SHROOM4: variants seen among roughly 807,000 people sequenced by gnomAD.
SHROOM4 encodes the protein protein Shroom4.
SHROOM4 carries 17 observed loss-of-function variants against 80.3 expected under a neutral mutation model. The ratio of observed to expected loss-of-function variants is 0.21; its 90% CI spans 0.14 to 0.32. The LOEUF (loss-of-function observed/expected upper bound fraction) is 0.32. Ranked by LOEUF, SHROOM4 falls within the 10% of genes least tolerant of loss-of-function variation. The pLI is 1.00. For missense variants in SHROOM4, 993 were observed against 1,140.3 expected (o/e 0.87, Z 1.86); for synonymous variants, 400 against 437.5 (o/e 0.91, Z 1.07).
At chrX:50,803,653 A>G (rs1936172145) in intron 1 of SHROOM4, among the ~76,000 whole-genome samples, 1 of 112,215 alleles carries the variant, frequency 8.9e-6, no homozygotes, top group Non-Finnish European at 1.9e-5. Flanking sequence ...TGTTGCTCTT[A>G]GATCCTACCC....
intron 1 of SHROOM4, among the ~76,000 whole-genome samples, chrX:50,724,604 A>G (rs1557265751): frequency 8.9e-6 from 1 of 112,434 alleles, no homozygotes; most frequent in Non-Finnish European, 1.9e-5. Context: ...AGCTGGGATG[A>G]CAGGCATGCG....
intron 1 of SHROOM4, among the ~76,000 whole-genome samples, chrX:50,786,393 T>C (rs113612704): frequency 2.7e-5 from 3 of 111,727 alleles, no homozygotes; most frequent in African/African-American, 9.8e-5. Flanking sequence ...AATCCCTAGC[T>C]CCTATCTTCT....
rs1293941010 is a variant in SHROOM4, at chrX:50,652,406, C to A, written c.270-14098G>T. Among the ~76,000 whole-genome samples the A allele has an allele frequency of 2.7e-5, 3 of 111,713 alleles. No individual in the cohort carries two copies. In the Admixed American group the frequency reaches 2.8e-4, roughly 11 times the overall value. ...GAGAAGTGTCTGTTCATATCCTTCA[C>A]CTATTTTTTGATGGGTTTTTTTTCT... On this transcript the variant is annotated intron_variant, in intron 2 of 8. Transcript: ENST00000376020.
At chrX:50,693,275 T>C (rs1824301355) in intron 2 of SHROOM4, among the ~76,000 whole-genome samples, 2 of 110,881 alleles carry the variant, frequency 1.8e-5, no homozygotes, top group Admixed American at 1.9e-4. Context: ...ATCTTGAAAG[T>C]AAGAGGTTTG....
Position 50,609,665 on chromosome X carries a change from A to ATGTGTGTGTG in SHROOM4, c.2958-1491_2958-1482dup, listed in dbSNP as rs3078713. ...AAATTCCAGATCAAGAGTCATGGAT[A>ATGTGTGTGTG]TGTGTGTGTGTGTGTGTGTGTGTGT... On this transcript the variant is annotated intron_variant, in intron 5 of 8. Transcript: ENST00000376020. Among the ~76,000 whole-genome samples, 387 of 88,259 alleles carry ATGTGTGTGTG rather than the reference A, an allele frequency of 4.4e-3. 1 individual carries two copies. The highest frequency in any genetic ancestry group is 0.015 in the African/African-American group (370 of 25,040). 76.6% of individuals were successfully genotyped at this position (88,259 alleles called of 115,157 possible). A position where few individuals can be genotyped will look rare whatever the true frequency, so the allele number is the denominator to read the frequency against.
intron 1 of SHROOM4, among the ~76,000 whole-genome samples, chrX:50,753,839 A>G (rs1180681898): frequency 8.9e-6 from 1 of 111,904 alleles, no homozygotes; most frequent in African/African-American, 3.2e-5. Flanking sequence ...ATTTTGTCAT[A>G]CCTAACTCCT....
chrX:50,608,136 A>G lies in SHROOM4; in HGVS notation c.3006T>C (p.His1002=). The stretch of plus-strand genomic sequence containing the variant: ...CCAGTGCTGGGTTCTCAAGGCAAGG[A>G]TGGAAAGGGGTTGCCCATGAAAAGC... ...KTSFSWATPF[H]PCLENPALDL... The change falls in exon 6 of 9, where the codon CAT becomes CAC. Residue 1002 remains histidine (H), a synonymous_variant. Transcript: ENST00000376020. The G allele has an allele frequency of 8.3e-7, 1 of 1,211,823 alleles. No individual in the cohort carries two copies. Among genetic ancestry groups the G allele is most frequent in the Non-Finnish European group, 1.1e-6 (1 of 895,553 alleles).
chrX:50,770,821 C>T (rs1935380392), intron 1 of SHROOM4, among the ~76,000 whole-genome samples: 1 of 111,582 alleles, frequency 9.0e-6, no homozygotes, highest in Admixed American at 9.5e-5. Context: ...CATTCCCACA[C>T]CTGGCCCCAC....
intron 1 of SHROOM4, among the ~76,000 whole-genome samples, chrX:50,774,639 T>A (rs1438878554): frequency 9.5e-6 from 1 of 105,377 alleles, no homozygotes; most frequent in Non-Finnish European, 1.9e-5. Flanking sequence ...AAAATTCTGA[T>A]GTCACAGGGT....
intron 1 of SHROOM4, among the ~76,000 whole-genome samples, chrX:50,764,985 A>G (rs1935241846): frequency 8.9e-6 from 1 of 112,029 alleles, no homozygotes; most frequent in African/African-American, 3.3e-5. Context: ...AGCATGTGCA[A>G]GGGAACTTCC....
At chrX:50,752,085 A>C (rs1275963082) in intron 1 of SHROOM4, among the ~76,000 whole-genome samples, 3 of 112,058 alleles carry the variant, frequency 2.7e-5, no homozygotes, top group African/African-American at 9.7e-5. Flanking sequence ...GACTAAACAC[A>C]GAGAAAAAAC....
At chrX:50,712,096 T>A (rs1478958634) in intron 1 of SHROOM4, among the ~76,000 whole-genome samples, 1 of 112,400 alleles carries the variant, frequency 8.9e-6, no homozygotes, top group Admixed American at 9.4e-5. Context: ...AGTAGGGAAC[T>A]CTCAATTAAG....
chrX:50,670,008 C>T (rs1557260669), intron 2 of SHROOM4, among the ~76,000 whole-genome samples: 1 of 111,988 alleles, frequency 8.9e-6, no homozygotes, highest in Non-Finnish European at 1.9e-5. Context: ...GACATCAAAA[C>T]GGTGAATCCC....
Position 50,590,311 on chromosome X carries a change from A to ATC in SHROOM4, c.*6382_*6383dup, listed in dbSNP as rs1286110815. Among the ~76,000 whole-genome samples the ATC allele has an allele frequency of 1.7e-4, 19 of 110,422 alleles. No homozygotes were observed. Among genetic ancestry groups the ATC allele is most frequent in the Non-Finnish European group, 3.2e-4 (17 of 52,770 alleles). ...ACCCAGGCTGGAGTGCAGTGGCTCA[A>ATC]TCTCTGCTCACTGCAAGCTCCGCCT... On this transcript the variant is annotated 3_prime_UTR_variant, in exon 9 of 9. Transcript: ENST00000376020.
intron 2 of SHROOM4, among the ~76,000 whole-genome samples, chrX:50,646,705 C>A (rs1238189738): frequency 1.8e-5 from 2 of 109,373 alleles, no homozygotes; most frequent in Non-Finnish European, 3.8e-5. Context: ...CTCCCTGCCT[C>A]CCCTCCTCTC....
chrX:50,598,018 T>C (rs1022756205), intron 8 of SHROOM4, among the ~76,000 whole-genome samples: 6 of 110,718 alleles, frequency 5.4e-5, no homozygotes, highest in African/African-American at 2.0e-4. Flanking sequence ...TTTGTATTTT[T>C]AGTAGAGATG....
chrX:50,608,052 A>G lies in SHROOM4; in HGVS notation c.3090T>C (p.Ala1030=). 6.6e-6 allele frequency: 8 copies of G among 1,211,404 alleles called. No homozygotes were observed. Among genetic ancestry groups the G allele is most frequent in the Non-Finnish European group, 8.9e-6 (8 of 895,426 alleles). ...CTGAAGTTTCCTCTGATTTTTTCAA[A>G]GCATGTTTGAAGTCTCCAAGGAGGT... ...SLDLLGDFKH[A]LKKSEETSVY... is the part of the protein sequence containing the mutation. Residue 1030 remains alanine, a synonymous_variant, in exon 6 of 9, where the codon GCT becomes GCC. Coordinates refer to ENST00000376020, the MANE Select transcript of SHROOM4 (RefSeq NM_020717.5).
chrX:50,792,933 G>T (rs2147705392), intron 1 of SHROOM4, among the ~76,000 whole-genome samples: 1 of 101,837 alleles, frequency 9.8e-6, no homozygotes, highest in South Asian at 4.9e-4. Context: ...CTACATACTA[G>T]ATCCAGCATT....
At chrX:50,738,698 G>A (rs1305937969) in intron 1 of SHROOM4, among the ~76,000 whole-genome samples, 1 of 111,506 alleles carries the variant, frequency 9.0e-6, no homozygotes, top group African/African-American at 3.3e-5. Context: ...ACAAATGGAA[G>A]AACATTCCAT....
Sources: gnomAD v4.1 joint callset for allele counts (sites outside exome capture counted in the v4.1 genomes callset) on GRCh38, gnomAD v4.1.1 for gene constraint, MANE v1.5 for transcripts, NCBI Gene and HGNC (gene_info 2026-07-23, HGNC 2026-07-21) for gene names.